KIAA1328: variants seen among roughly 807,000 people sequenced by gnomAD.
The protein encoded by KIAA1328 is KIAA1328, also known as protein hinderin.
A neutral mutation model predicts 68.1 loss-of-function variants in KIAA1328; 52 were observed. The observed-to-expected ratio is 0.76, with a 90% CI of 0.61 to 0.96. The LOEUF is 0.96. Among genes scored for constraint, KIAA1328 ranks in the 40% least tolerant of loss-of-function variants. The probability of loss-of-function intolerance (pLI) is 0.00; values close to 1 mark genes in which losing one functional copy is unlikely to be tolerated. For synonymous variants in KIAA1328, 232 were observed against 239.4 expected, an observed-to-expected ratio of 0.97 and a Z score of 0.28; for missense variants, 641 against 677.6, an observed-to-expected ratio of 0.95 and a Z score of 0.60.
At chr18:37,071,955 C>CA (rs1468242650) in intron 7 of KIAA1328, among the ~76,000 whole-genome samples, 2 of 151,370 alleles carry the variant, frequency 1.3e-5, no homozygotes, top group Admixed American at 6.6e-5. Context: ...TAGACTAAAC[C>CA]AAAAAAAGCC....
chr18:37,078,874 T>C (rs2056846728), intron 7 of KIAA1328, among the ~76,000 whole-genome samples: 1 of 150,958 alleles, frequency 6.6e-6, no homozygotes, highest in South Asian at 2.1e-4. Context: ...ACTTTTACAC[T>C]GTTGGTGGGA....
At chr18:37,052,005 G>A (rs940192325) in intron 6 of KIAA1328, among the ~76,000 whole-genome samples, 2 of 150,682 alleles carry the variant, frequency 1.3e-5, no homozygotes, top group African/African-American at 4.9e-5. Context: ...TCACGCCACT[G>A]CACTTTGGCC....
chr18:36,885,702 GTTCAA>G, intron 5 of KIAA1328, 30 bp downstream of exon 5: 3 of 1,356,610 alleles, frequency 2.2e-6, no homozygotes, highest in Non-Finnish European at 3.0e-6. Context: ...CTTTTTTAAC[GTTCAA>G]GAAGTTTGAC....
At chr18:37,209,514 A>T (rs1045231759) in intron 9 of KIAA1328, among the ~76,000 whole-genome samples, 1 of 152,186 alleles carries the variant, frequency 6.6e-6, no homozygotes, top group African/African-American at 2.4e-5. Context: ...AATAAAAACC[A>T]TAAAGCAATA....
chr18:36,949,895 C>T (rs2051087938), intron 5 of KIAA1328, among the ~76,000 whole-genome samples: 1 of 152,080 alleles, frequency 6.6e-6, no homozygotes, highest in African/African-American at 2.4e-5. Context: ...GTTCATACAC[C>T]GAATTTGCCA....
intron 6 of KIAA1328, among the ~76,000 whole-genome samples, chr18:37,021,126 T>G (rs1598992965): frequency 1.3e-5 from 2 of 152,214 alleles, no homozygotes; most frequent in East Asian, 3.8e-4. Flanking sequence ...TCTTTCATCT[T>G]CATTACAAGC....
In KIAA1328 at chr18:36,950,473, G is replaced by A. The variant is rs112588244; in HGVS notation, c.449-8835G>A. On this transcript the variant is annotated intron_variant, in intron 5 of 9. Transcript: ENST00000280020. ...AAGATTAGTACACTACGATTTCCAGGAAAACACAGTCTGCTTCAGGTGATA... is the reference window on the plus strand; with the variant it reads ...AAGATTAGTACACTACGATTTCCAGAAAAACACAGTCTGCTTCAGGTGATA... Among the ~76,000 whole-genome samples the A allele has an allele frequency of 9.5e-3, 1,442 of 152,196 alleles. 22 individuals carry two copies. Among genetic ancestry groups the A allele is most frequent in the African/African-American group, 0.032 (1,346 of 41,526 alleles).
intron 6 of KIAA1328, among the ~76,000 whole-genome samples, chr18:37,054,969 C>G (rs1230763760): frequency 6.6e-6 from 1 of 152,168 alleles, no homozygotes; most frequent in Non-Finnish European, 1.5e-5. Context: ...TGTGTGCCTT[C>G]TGTGTGCCTA....
Position 37,224,803 on chromosome 18 carries a change from T to G in KIAA1328, c.*2576T>G, listed in dbSNP as rs926488074. ...GGACACATGCCGAGGGCGTTGCGGATAGTGCCTCACCATTGCCCACCCTGC... is the reference window on the plus strand; with the variant it reads ...GGACACATGCCGAGGGCGTTGCGGAGAGTGCCTCACCATTGCCCACCCTGC... On this transcript the variant is annotated 3_prime_UTR_variant, in exon 10 of 10. Transcript: ENST00000280020. The G allele has an allele frequency of 2.0e-6, 2 of 985,434 alleles. No individual in the cohort carries two copies. Among genetic ancestry groups the G allele is most frequent in the East Asian group, 1.1e-4 (1 of 8,808 alleles). 61.0% of individuals were successfully genotyped at this position (985,434 alleles called of 1,614,324 possible).
At chr18:37,060,335 T>G (rs76174419) in intron 6 of KIAA1328, among the ~76,000 whole-genome samples, 2,525 of 152,224 alleles carry the variant, frequency 0.017, 35 homozygotes, top group Non-Finnish European at 0.024. Context: ...AAAGGTCTTG[T>G]TTTCACCAAG....
intron 9 of KIAA1328, among the ~76,000 whole-genome samples, chr18:37,181,549 C>T (rs1455067907): frequency 1.3e-5 from 2 of 152,152 alleles, no homozygotes; most frequent in Admixed American, 1.3e-4. Context: ...CTTATACACA[C>T]TGGTTTATAG....
chr18:36,908,936 G>T (rs1315226081), intron 5 of KIAA1328, among the ~76,000 whole-genome samples: 1 of 152,064 alleles, frequency 6.6e-6, no homozygotes, highest in Non-Finnish European at 1.5e-5. Flanking sequence ...ATTGGAGTAA[G>T]CTTTCTTATC....
intron 7 of KIAA1328, among the ~76,000 whole-genome samples, chr18:37,122,528 A>G (rs2058296936): frequency 6.6e-6 from 1 of 152,174 alleles, no homozygotes; most frequent in Non-Finnish European, 1.5e-5. Flanking sequence ...GGTATTATTG[A>G]TCAAAGGAGA....
At chr18:37,221,950 C>A in intron 9 of KIAA1328, 67 bp from the exon 10 acceptor site, 1 of 1,481,374 alleles carries the variant, frequency 6.8e-7, no homozygotes, top group Non-Finnish European at 9.3e-7. Context: ...CCCATTTCTG[C>A]TGGGCTTCTT....
At chr18:36,965,812 A>G (rs2051907119) in intron 6 of KIAA1328, among the ~76,000 whole-genome samples, 3 of 151,518 alleles carry the variant, frequency 2.0e-5, no homozygotes, top group South Asian at 2.1e-4. Context: ...TGTGTAATAT[A>G]TGTCTTAATT....
intron 5 of KIAA1328, among the ~76,000 whole-genome samples, chr18:36,939,224 C>T (rs2050617365): frequency 6.6e-6 from 1 of 152,160 alleles, no homozygotes; most frequent in Non-Finnish European, 1.5e-5. Context: ...AATCCATGAA[C>T]ATGGGATACC....
intron 7 of KIAA1328, among the ~76,000 whole-genome samples, chr18:37,144,852 A>G (rs1278498854): frequency 6.6e-6 from 1 of 151,914 alleles, no homozygotes; most frequent in Non-Finnish European, 1.5e-5. Context: ...TTATCCCTCA[A>G]ATTTTAATAT....
At chr18:37,219,567 C>T (rs964230021) in intron 9 of KIAA1328, among the ~76,000 whole-genome samples, 5 of 152,192 alleles carry the variant, frequency 3.3e-5, no homozygotes, top group African/African-American at 4.8e-5. Flanking sequence ...GCTGCTGTCT[C>T]GCGGGTCGAT....
chr18:36,904,803 C>T (rs11081970), intron 5 of KIAA1328, among the ~76,000 whole-genome samples: 20,668 of 151,448 alleles, frequency 0.14, 1,750 homozygotes, highest in Admixed American at 0.18. Context: ...TTTCTGTGTT[C>T]TTTTGGATCA....
Sources: allele counts gnomAD v4.1 joint callset (sites outside exome capture counted in the v4.1 genomes callset), GRCh38; gene constraint gnomAD v4.1.1; transcripts MANE v1.5; gene names NCBI Gene and HGNC (gene_info 2026-07-23, HGNC 2026-07-21).